The following GABRA3 variants were observed in gnomAD, a reference collection of about 807,000 sequenced individuals.
GABRA3 encodes the protein gamma-aminobutyric acid receptor subunit alpha-3.
A neutral mutation model predicts 30.1 loss-of-function variants in GABRA3; 10 were observed. That is an observed-to-expected ratio of 0.33 (90% CI 0.20 to 0.56). The LOEUF (loss-of-function observed/expected upper bound fraction) is 0.56. Among genes scored for constraint, GABRA3 ranks in the 20% least tolerant of loss-of-function variants. The pLI, the probability that GABRA3 is intolerant of heterozygous loss-of-function variation, is 0.89. For missense variants in GABRA3, 233 were observed against 392.0 expected (o/e 0.59, Z 3.42); for synonymous variants, 151 against 146.8 (o/e 1.03, Z -0.21).
At chrX:152,362,722 A>G (rs757361083) in intron 2 of GABRA3, among the ~76,000 whole-genome samples, 1 of 111,597 alleles carries the variant, frequency 9.0e-6, no homozygotes, top group Non-Finnish European at 1.9e-5. Flanking sequence ...TGAATCCAAG[A>G]GATGTGGGAG....
intron 7 of GABRA3, among the ~76,000 whole-genome samples, chrX:152,198,555 G>T (rs1217066414): frequency 8.9e-6 from 1 of 112,021 alleles, no homozygotes; most frequent in Non-Finnish European, 1.9e-5. Flanking sequence ...TACTGGATTT[G>T]TCAGCAGCAT....
In GABRA3 at chrX:152,208,171, G is replaced by T. The variant is rs762839293; in HGVS notation, c.635-27C>A. Reference sequence around the variant, plus strand: ...TAAGGCAGAGAAGGGTCAATAAAGAGAAGTTGAAGGAAATGGAGAATGATT... The same window carrying T: ...TAAGGCAGAGAAGGGTCAATAAAGATAAGTTGAAGGAAATGGAGAATGATT... On this transcript the variant is annotated intron_variant, in intron 6 of 9. Transcript: ENST00000370314. The T allele has an allele frequency of 3.4e-6, 4 of 1,187,872 alleles. No homozygotes were observed. The African/African-American group carries it at 7.1e-5, about 21-fold the overall frequency.
chrX:152,208,619 A>C (rs1159890910), intron 6 of GABRA3, among the ~76,000 whole-genome samples: 2 of 109,626 alleles, frequency 1.8e-5, no homozygotes, highest in Non-Finnish European at 3.8e-5. Context: ...TGTTTGAGTC[A>C]TGGAGGCAGA....
At chrX:152,220,631 C>T (rs1266967262) in intron 6 of GABRA3, among the ~76,000 whole-genome samples, 3 of 111,941 alleles carry the variant, frequency 2.7e-5, no homozygotes, top group African/African-American at 9.7e-5. Flanking sequence ...TAGCACCAAA[C>T]AATTTTCCAA....
chrX:152,214,022 C>A (rs1303559723), intron 6 of GABRA3, among the ~76,000 whole-genome samples: 3 of 110,832 alleles, frequency 2.7e-5, no homozygotes, highest in African/African-American at 9.8e-5. Flanking sequence ...GTACCCATTG[C>A]CCAAATACGA....
In GABRA3 at chrX:152,278,445, G is replaced by T. The variant is rs750320086; in HGVS notation, c.330+6223C>A. ...CCCTACAAAGGACATGAACTCATCA[G>T]TTTTTATGGCTGCATAGTATTCCAT... On this transcript the variant is annotated intron_variant, in intron 4 of 9. Transcript: ENST00000370314. 1.7e-4 allele frequency among the ~76,000 whole-genome samples: 19 copies of T among 111,141 alleles called. No individual in the cohort carries two copies. In the East Asian group the frequency reaches 4.9e-3, roughly 28 times the overall value.
intron 1 of GABRA3, among the ~76,000 whole-genome samples, chrX:152,407,615 C>T (rs1223282430): frequency 1.8e-5 from 2 of 111,566 alleles, no homozygotes; most frequent in African/African-American, 3.3e-5. Context: ...AGCTCAGGAC[C>T]TGATGGCTTC....
rs536385052 is a variant in GABRA3 at position 152,273,665 on chromosome X, G to A, written c.330+11003C>T. Reference sequence around the variant, plus strand: ...CTTGGATGGAACTGGAGGTCATTACGTTATGTAAAATAAGGTAATCACAGA... The same window carrying A: ...CTTGGATGGAACTGGAGGTCATTACATTATGTAAAATAAGGTAATCACAGA... On this transcript the variant is annotated intron_variant, in intron 4 of 9. Transcript: ENST00000370314. Among the ~76,000 whole-genome samples the A allele has an allele frequency of 1.2e-4, 13 of 112,030 alleles. No homozygotes were observed. The South Asian group carries it at 2.2e-3, about 19-fold the overall frequency.
At chrX:152,201,889 A>G (rs750366292) in intron 7 of GABRA3, among the ~76,000 whole-genome samples, 1 of 111,596 alleles carries the variant, frequency 9.0e-6, no homozygotes, top group Non-Finnish European at 1.9e-5. Context: ...TACCTATGCT[A>G]CACATCTAAA....
chrX:152,270,762 G>C (rs1938918037), intron 4 of GABRA3, among the ~76,000 whole-genome samples: 1 of 108,831 alleles, frequency 9.2e-6, no homozygotes, highest in Non-Finnish European at 1.9e-5. Context: ...GGCTGAGGTA[G>C]GAGAATCACT....
intron 6 of GABRA3, among the ~76,000 whole-genome samples, chrX:152,215,644 T>C (rs1056912673): frequency 2.7e-5 from 3 of 111,368 alleles, no homozygotes; most frequent in Non-Finnish European, 3.8e-5. Context: ...ATAAAATTAC[T>C]AGAAGAAAAT....
intron 1 of GABRA3, among the ~76,000 whole-genome samples, chrX:152,403,861 C>G (rs1474900001): frequency 9.0e-6 from 1 of 110,968 alleles, no homozygotes; most frequent in Non-Finnish European, 1.9e-5. Flanking sequence ...TTTATATAAC[C>G]CAGGTTTTGA....
At chrX:152,210,060 C>T (rs764095798) in intron 6 of GABRA3, among the ~76,000 whole-genome samples, 1 of 112,579 alleles carries the variant, frequency 8.9e-6, no homozygotes, top group South Asian at 3.6e-4. Flanking sequence ...TTGCTGAAAG[C>T]ATAACCACAT....
intron 3 of GABRA3, among the ~76,000 whole-genome samples, chrX:152,296,989 T>C (rs1163736736): frequency 9.0e-6 from 1 of 111,690 alleles, no homozygotes; most frequent in Non-Finnish European, 1.9e-5. Context: ...TGAGCCACCA[T>C]GCCCGGCCAG....
intron 1 of GABRA3, among the ~76,000 whole-genome samples, chrX:152,396,434 C>G (rs893492649): frequency 7.1e-5 from 8 of 111,902 alleles, no homozygotes; most frequent in African/African-American, 2.6e-4. Flanking sequence ...CAAAAGGACT[C>G]TGAGACATGT....
chrX:152,230,117 G>A (rs768544110), intron 5 of GABRA3, among the ~76,000 whole-genome samples: 16 of 111,516 alleles, frequency 1.4e-4, no homozygotes, highest in Non-Finnish European at 3.0e-4. Flanking sequence ...CTAATGGTAT[G>A]GAGTTTCTTT....
At chrX:152,182,312 TAC>T (rs72009096) in intron 9 of GABRA3, among the ~76,000 whole-genome samples, 3,873 of 89,024 alleles carry the variant, frequency 0.044, 197 homozygotes, top group African/African-American at 0.13. Context: ...TATATATATA[TAC>T]ACACACACAC....
intron 3 of GABRA3, among the ~76,000 whole-genome samples, chrX:152,331,819 A>T (rs1044538218): frequency 9.8e-5 from 11 of 111,739 alleles, no homozygotes; most frequent in Non-Finnish European, 1.7e-4. Context: ...CACTCCAATG[A>T]CTACCAAACC....
chrX:152,336,192 A>G (rs1387564733), intron 3 of GABRA3, among the ~76,000 whole-genome samples: 1 of 105,409 alleles, frequency 9.5e-6, no homozygotes, highest in Non-Finnish European at 1.9e-5. Flanking sequence ...CCCCCCCTTC[A>G]TTTTTTGCTC....
Sources: allele counts gnomAD v4.1 joint callset (sites outside exome capture counted in the v4.1 genomes callset), GRCh38; gene constraint gnomAD v4.1.1; transcripts MANE v1.5; gene names NCBI Gene and HGNC (gene_info 2026-07-23, HGNC 2026-07-21).